TTN: variants seen among roughly 807,000 people sequenced by gnomAD.
TTN encodes the protein titin, also known as connectin.
In TTN, 1,525 loss-of-function variants were observed where a neutral mutation model predicts 3,223.0. The ratio of observed to expected loss-of-function variants is 0.47; its 90% confidence interval spans 0.45 to 0.49. The LOEUF is 0.49. Ranked by LOEUF, TTN falls within the 20% of genes least tolerant of loss-of-function variation. The pLI, the probability that TTN is intolerant of heterozygous loss-of-function variation, is 0.00. For missense variants in TTN, 40,786 were observed against 43,424.0 expected, an observed-to-expected ratio of 0.94 and a Z score of 5.40; for synonymous variants, 14,094 against 15,161.0, an observed-to-expected ratio of 0.93 and a Z score of 5.17.
Position 178,551,256 on chromosome 2 carries a change from T to C in TTN, c.91275A>G (p.Pro30425=), listed in dbSNP as rs1197684847. 6.8e-6 allele frequency: 11 copies of C among 1,608,788 alleles called. No homozygotes were observed. Among genetic ancestry groups the C allele is most frequent in the South Asian group, 2.2e-5 (2 of 89,880 alleles). Residue 30425 remains proline (P), a synonymous_variant, in exon 336 of 363, where the codon CCA becomes CCG. Transcript: ENST00000589042. ...KFTLAVSPVD[P]PGTPDYIDVT... is the part of the protein sequence containing the mutation. ...CATCAATGTAGTCAGGAGTGCCAGGTGGGTCTAAAAAATTATAAGGAAGGT... is the reference window on the plus strand; with the variant it reads ...CATCAATGTAGTCAGGAGTGCCAGGCGGGTCTAAAAAATTATAAGGAAGGT...
In TTN at chr2:178,595,708, T is replaced by C. The variant is rs374058726; in HGVS notation, c.57646A>G (p.Ile19216Val). Residue 19216 changes from isoleucine (I) to valine (V), a missense_variant, in exon 295 of 363, where the codon ATC becomes GTC. Ile to Val is a conservative substitution (Grantham distance 29, BLOSUM62 3). Transcript: ENST00000589042. ...CGCTTTTCAATGACATAATTGGTGATTGGAGAGCCTCCATCATCTTCTGGA... is the reference window on the plus strand; with the variant it reads ...CGCTTTTCAATGACATAATTGGTGACTGGAGAGCCTCCATCATCTTCTGGA... ...FSPEDDGGSP[I>V]TNYVIEKRES... is the part of the protein sequence containing the mutation. 515 of 1,608,710 alleles carry C rather than the reference T, an allele frequency of 3.2e-4. No homozygotes were observed. The highest frequency in any genetic ancestry group is 1.4e-3 in the Admixed American group (84 of 59,466).
In TTN at chr2:178,598,653, G is replaced by A; in HGVS notation, c.56964C>T (p.Ala18988=). Reference sequence around the variant, plus strand: ...CTTTGGGAAATGGAGGACCAGGAGGGGCTGCAAAGAGCCAGTATACGTTAG... The same window carrying A: ...CTTTGGGAAATGGAGGACCAGGAGGAGCTGCAAAGAGCCAGTATACGTTAG... ...SDPATARDPI[A]PPGPPFPKVT... The change falls in exon 292 of 363, where the codon GCC becomes GCT. Residue 18988 remains alanine (A), a splice_region_variant and synonymous_variant. Transcript: ENST00000589042. 2 of 1,602,070 alleles carry A rather than the reference G, an allele frequency of 1.2e-6. No homozygotes were observed. The highest frequency in any genetic ancestry group is 1.7e-4 in the Middle Eastern group (1 of 5,990).
At chr2:178,742,626 C>T (rs1187647967) in intron 47 of TTN, among the ~76,000 whole-genome samples, 3 of 152,046 alleles carry the variant, frequency 2.0e-5, no homozygotes, top group Non-Finnish European at 4.4e-5. Flanking sequence ...TATAAGAAAA[C>T]CTATACAGAA....
At position 178,593,966 on chromosome 2, in the gene TTN, A is replaced by G; in HGVS notation, c.58427T>C (p.Val19476Ala). Residue 19476 changes from valine (V) to alanine (A), a missense_variant, in exon 297 of 363, where the codon GTT becomes GCT. Transcript: ENST00000589042. Reference sequence around the variant, plus strand: ...TTCCACTAAATAAGACTTACCAACAACATTAACTTGACAGAAACCTTTCCT... The same window carrying G: ...TTCCACTAAATAAGACTTACCAACAGCATTAACTTGACAGAAACCTTTCCT... ...GSRKGFCQVN[V>A]VDRPGPPVGP... is the part of the protein sequence containing the mutation. 1 of 1,613,332 alleles carries G rather than the reference A, an allele frequency of 6.2e-7. No individual in the cohort carries two copies. Among genetic ancestry groups the G allele is most frequent in the Non-Finnish European group, 8.5e-7 (1 of 1,179,626 alleles).
At chr2:178,631,445 CAA>C (rs2059789873) in intron 236 of TTN, 145 bp from the exon 237 acceptor site, 1 of 841,888 alleles carries the variant, frequency 1.2e-6, no homozygotes, top group African/African-American at 1.7e-5. Flanking sequence ...TGTTTATGTT[CAA>C]AAGTTCTCTA....
rs777085715 is a variant in TTN, at chr2:178,663,693, C to G, written c.36466G>C (p.Glu12156Gln). The G allele has an allele frequency of 4.9e-5, 79 of 1,613,438 alleles. 2 individuals are homozygous for G. Among genetic ancestry groups the G allele is most frequent in the South Asian group, 4.4e-4 (40 of 91,052 alleles). Residue 12156 changes from glutamate (E) to glutamine (Q), a missense_variant, in exon 171 of 363, where the codon GAA becomes CAA. By Grantham distance (29) the Glu-to-Gln change is conservative (BLOSUM62 2). Transcript: ENST00000589042. ...PPVKVPEPPK[E>Q]VVPEKKAPVA... ...GGCGCTTTCTTTTCAGGAACTACTT[C>G]TTTGGGAGGCTCTGGTACTTAAAAG...
intron 115 of TTN, 69 bp downstream of exon 115, chr2:178,695,279 A>G: frequency 3.2e-6 from 4 of 1,266,698 alleles, no homozygotes; most frequent in Non-Finnish European, 2.3e-6. Flanking sequence ...TGATTTATAC[A>G]TTGCTGCCAA....
chr2:178,768,933 G>T lies in TTN; in HGVS notation c.8903C>A (p.Pro2968Gln). 6.2e-7 allele frequency: 1 copy of T among 1,613,524 alleles called. No individual in the cohort carries two copies. Among genetic ancestry groups the T allele is most frequent in the Non-Finnish European group, 8.5e-7 (1 of 1,179,956 alleles). ...TTTCAGCATGGAAGTAATCATGATTGCTGCAAAGGAGAAAAGAAAAAACAC... is the reference window on the plus strand; with the variant it reads ...TTTCAGCATGGAAGTAATCATGATTTCTGCAAAGGAGAAAAGAAAAAACAC... ...DQVSATLTVTPIMITSMLKDI... is the reference protein window; with the variant it reads ...DQVSATLTVTQIMITSMLKDI... The change falls in exon 38 of 363, where the codon CCA (proline) becomes CAA (glutamine). Residue 2968 changes from proline (P) to glutamine (Q), a missense_variant and splice_region_variant. Pro to Gln is a moderately conservative substitution (Grantham distance 76, BLOSUM62 -1). Coordinates refer to ENST00000589042, the MANE Select transcript of TTN (RefSeq NM_001267550.2).
chr2:178,802,933 A>C (rs2094138976), intron 2 of TTN, among the ~76,000 whole-genome samples: 1 of 152,210 alleles, frequency 6.6e-6, no homozygotes, highest in Non-Finnish European at 1.5e-5. Flanking sequence ...ACTAATCCAA[A>C]CCTAGTCTTC....
rs1695055645 is a variant in TTN, at chr2:178,542,519, C to T, written c.97237G>A (p.Asp32413Asn). The T allele has an allele frequency of 1.2e-6, 2 of 1,610,938 alleles. No individual in the cohort carries two copies. The highest frequency in any genetic ancestry group is 3.3e-5 in the Admixed American group (2 of 59,948). Residue 32413 changes from aspartate to asparagine, a missense_variant, in exon 349 of 363, where the codon GAT (aspartate) becomes AAT (asparagine). Coordinates refer to ENST00000589042, the MANE Select transcript of TTN (RefSeq NM_001267550.2). ...PTGPIKIDEI[D>N]ATSITISWEP... Reference sequence around the variant, plus strand: ...CAGGAAATGGTAATTGATGTAGCATCAATTTCATCAATCTTAATAGGTCCT... The same window carrying T: ...CAGGAAATGGTAATTGATGTAGCATTAATTTCATCAATCTTAATAGGTCCT...
At chr2:178,792,696 C>T (rs2093571665) in intron 9 of TTN, among the ~76,000 whole-genome samples, 1 of 152,200 alleles carries the variant, frequency 6.6e-6, no homozygotes, top group Admixed American at 6.5e-5. Context: ...TCCATCTGGG[C>T]ACCTAAGGTA....
rs2154137332 is a variant in TTN, at chr2:178,536,292, G to A, written c.100455C>T (p.Ile33485=). 1.1e-5 allele frequency: 18 copies of A among 1,613,644 alleles called. No homozygotes were observed. The highest frequency in any genetic ancestry group is 1.5e-5 in the Non-Finnish European group (18 of 1,179,742). ...ESEWSEISEP[I]TPKSDVPIQA... is the part of the protein sequence containing the mutation. ...GAATTGGGACATCAGATTTGGGAGT[G>A]ATGGGTTCTGATATTTCACTCCATT... Residue 33485 remains isoleucine (I), a synonymous_variant, in exon 357 of 363, where the codon ATC becomes ATT. Coordinates refer to ENST00000589042, the MANE Select transcript of TTN (RefSeq NM_001267550.2).
rs933375419 is a variant in TTN at position 178,695,798 on chromosome 2, T to A, written c.31207+67A>T. ...TAAACTGCAAATCAGGTTCATAGCA[T>A]TGAAAATTTAATGAACTGAGCAAAA... is the stretch of plus-strand genomic sequence containing the variant. On this transcript the variant is annotated intron_variant, in intron 114 of 362. Coordinates refer to ENST00000589042, the MANE Select transcript of TTN (RefSeq NM_001267550.2). 10 of 1,248,162 alleles carry A rather than the reference T, an allele frequency of 8.0e-6. No individual in the cohort carries two copies. The East Asian group carries it at 2.7e-4, about 34-fold the overall frequency. 77.3% of individuals were successfully genotyped at this position (1,248,162 alleles called of 1,614,324 possible).
chr2:178,528,205 T>C, intron 361 of TTN, 69 bp downstream of exon 361: 2 of 1,517,744 alleles, frequency 1.3e-6, no homozygotes, highest in Non-Finnish European at 8.9e-7. Flanking sequence ...TTTCTGTGCT[T>C]GAAAGAGAGG....
intron 220 of TTN, among the ~76,000 whole-genome samples, chr2:178,641,020 G>A (rs1337123285): frequency 6.6e-6 from 1 of 151,886 alleles, no homozygotes; most frequent in African/African-American, 2.4e-5. Flanking sequence ...AAGTTGCAAA[G>A]TAATGATAAG....
At position 178,565,471 on chromosome 2, in the gene TTN, G is replaced by A. The variant is rs201069672; in HGVS notation, c.80661C>T (p.Asn26887=). Residue 26887 remains asparagine, a synonymous_variant, in exon 326 of 363, where the codon AAC becomes AAT. Transcript: ENST00000589042. ...CTTCTCCAGCTTGGATACTATATGT[G>A]TTAAATGGTAACTTTAAACTAGGCT... The part of the protein sequence containing the change: ...TIQPSLKLPF[N]TYSIQAGEDL... The A allele has an allele frequency of 1.7e-4, 275 of 1,613,264 alleles. 1 individual carries two copies. The African/African-American group carries it at 3.1e-3, about 18-fold the overall frequency.
chr2:178,767,635 A>G, intron 40 of TTN, 124 bp downstream of exon 40: 1 of 1,389,322 alleles, frequency 7.2e-7, no homozygotes, highest in East Asian at 2.4e-5. Flanking sequence ...GCCAAGTAAG[A>G]ATGAGCTGAT....
In TTN at chr2:178,773,943, ATTGT is replaced by A; in HGVS notation, c.7221_7224del (p.Lys2407AsnfsTer10). The stretch of plus-strand genomic sequence containing the variant: ...ATGTCTTCAATGAGCAGCATATGAG[ATTGT>A]TTGTCTATCACAATGTGAACCCTGT... On this transcript the variant is annotated frameshift_variant, in exon 31 of 363. Coordinates refer to ENST00000589042, the MANE Select transcript of TTN (RefSeq NM_001267550.2). LOFTEE classifies it high-confidence loss of function. The A allele has an allele frequency of 6.2e-7, 1 of 1,614,026 alleles. No individual in the cohort carries two copies. Among genetic ancestry groups the A allele is most frequent in the Non-Finnish European group, 8.5e-7 (1 of 1,179,974 alleles).
At chr2:178,558,684 T>C in intron 326 of TTN, 47 bp from the exon 327 acceptor site, 1 of 1,558,174 alleles carries the variant, frequency 6.4e-7, no homozygotes, top group Non-Finnish European at 8.7e-7. Flanking sequence ...ATTACAGCAC[T>C]TTTAAATGTG....
Sources: allele counts gnomAD v4.1 joint callset (sites outside exome capture counted in the v4.1 genomes callset), GRCh38; gene constraint gnomAD v4.1.1; transcripts MANE v1.5; gene names NCBI Gene and HGNC (gene_info 2026-07-23, HGNC 2026-07-21).